The following GTF2A2 variants were observed in gnomAD, a reference collection of about 807,000 sequenced individuals.
GTF2A2 encodes general transcription factor IIA subunit 2, also known as transcription initiation factor IIA subunit 2.
GTF2A2 carries 9 observed loss-of-function variants against 14.3 expected under a neutral mutation model. The observed-to-expected ratio is 0.63, with a 90% CI of 0.38 to 1.10. GTF2A2 has a LOEUF of 1.10. GTF2A2 is among the 50% of genes least tolerant of loss of function. The pLI is 0.01. For synonymous variants in GTF2A2, 56 were observed against 46.0 expected, an observed-to-expected ratio of 1.22 and a Z score of -0.88; for missense variants, 90 against 124.6, an observed-to-expected ratio of 0.72 and a Z score of 1.32.
chr15:59,654,697 A>C (rs1891891627), intron 1 of GTF2A2, among the ~76,000 whole-genome samples: 1 of 152,238 alleles, frequency 6.6e-6, no homozygotes, highest in Non-Finnish European at 1.5e-5. Flanking sequence ...TTAGAAATGT[A>C]TCTGAGTATG....
intron 1 of GTF2A2, among the ~76,000 whole-genome samples, chr15:59,653,227 C>T (rs957600056): frequency 2.0e-5 from 3 of 151,950 alleles, no homozygotes; most frequent in African/African-American, 4.8e-5. Flanking sequence ...GATGGGGGCT[C>T]GAAAAGGGTG....
At chr15:59,646,716 T>C (rs1891620016) in intron 3 of GTF2A2, among the ~76,000 whole-genome samples, 2 of 152,186 alleles carry the variant, frequency 1.3e-5, no homozygotes, top group South Asian at 4.1e-4. Context: ...TATTAAAGTA[T>C]ATTAAATGCC....
At chr15:59,643,758 C>A (rs1437834873) in intron 3 of GTF2A2, among the ~76,000 whole-genome samples, 2 of 111,248 alleles carry the variant, frequency 1.8e-5, no homozygotes, top group Non-Finnish European at 3.5e-5. Flanking sequence ...GCCACCATGC[C>A]TGTCTAATTT....
In GTF2A2 at chr15:59,639,095, A is replaced by T; in HGVS notation, c.*37T>A. ...ATGCTTCTCTTCAAAAGCAATGAAT[A>T]ACAGAAGATGGTGTAAAAAAGTCAT... On this transcript the variant is annotated 3_prime_UTR_variant, in exon 5 of 5. Coordinates refer to ENST00000396060, the MANE Select transcript of GTF2A2 (RefSeq NM_004492.3). The T allele has an allele frequency of 8.3e-7, 1 of 1,203,058 alleles. No individual in the cohort carries two copies. The highest frequency in any genetic ancestry group is 1.2e-6 in the Non-Finnish European group (1 of 808,004). The allele number at this position is 1,203,058 out of a possible 1,614,324, so 74.5% of individuals were successfully genotyped here.
At chr15:59,643,869 A>G (rs1891516527) in intron 3 of GTF2A2, among the ~76,000 whole-genome samples, 1 of 150,948 alleles carries the variant, frequency 6.6e-6, no homozygotes, top group Non-Finnish European at 1.5e-5. Context: ...AAGTTTTGGA[A>G]TTACAGGCGT....
At chr15:59,641,625 T>A (rs1226909128) in intron 4 of GTF2A2, among the ~76,000 whole-genome samples, 1 of 152,170 alleles carries the variant, frequency 6.6e-6, no homozygotes, top group Non-Finnish European at 1.5e-5. Flanking sequence ...TTTGAAACAT[T>A]TAAGGACCTG....
intron 3 of GTF2A2, among the ~76,000 whole-genome samples, chr15:59,647,369 G>A (rs1419917546): frequency 6.6e-6 from 1 of 152,130 alleles, no homozygotes; most frequent in African/African-American, 2.4e-5. Context: ...AAGGTGCTGG[G>A]ATTACAGGCT....
chr15:59,639,817 C>T (rs1331584880), intron 4 of GTF2A2, among the ~76,000 whole-genome samples: 2 of 151,962 alleles, frequency 1.3e-5, no homozygotes, highest in African/African-American at 4.8e-5. Flanking sequence ...GTAGCGCAAT[C>T]TCAGCTCACT....
At chr15:59,644,975 T>G (rs557445259) in intron 3 of GTF2A2, among the ~76,000 whole-genome samples, 6 of 152,210 alleles carry the variant, frequency 3.9e-5, no homozygotes, top group Non-Finnish European at 8.8e-5. Flanking sequence ...ATGAAGCTGA[T>G]GTCTGTTAGC....
chr15:59,639,256 T>C (rs1386394402), intron 4 of GTF2A2, 99 bp from the exon 5 acceptor site: 1 of 764,562 alleles, frequency 1.3e-6, no homozygotes, highest in Non-Finnish European at 2.4e-6. Flanking sequence ...AACACAGGAC[T>C]AATAGTGGTG....
intron 1 of GTF2A2, among the ~76,000 whole-genome samples, chr15:59,655,385 G>A (rs562245850): frequency 6.6e-6 from 1 of 152,274 alleles, no homozygotes; most frequent in South Asian, 2.1e-4. Context: ...AAGGAAACAG[G>A]TTGGTGAAGG....
chr15:59,646,206 G>A (rs945212817), intron 3 of GTF2A2, among the ~76,000 whole-genome samples: 7 of 151,868 alleles, frequency 4.6e-5, no homozygotes, highest in Non-Finnish European at 8.8e-5. Context: ...ACAGGAATGC[G>A]CCACCACACC....
intron 3 of GTF2A2, among the ~76,000 whole-genome samples, chr15:59,645,590 GAC>G (rs2141960326): frequency 6.6e-6 from 1 of 152,240 alleles, no homozygotes; most frequent in South Asian, 2.1e-4. Flanking sequence ...AAGGGAAAAA[GAC>G]ACAAAATTGT....
At position 59,652,287 on chromosome 15, in the gene GTF2A2, G is replaced by A; in HGVS notation, c.-10C>T. 1 of 1,544,090 alleles carries A rather than the reference G, an allele frequency of 6.5e-7. No individual in the cohort carries two copies. The highest frequency in any genetic ancestry group is 8.9e-7 in the Non-Finnish European group (1 of 1,127,648). On this transcript the variant is annotated 5_prime_UTR_variant, in exon 2 of 5. Transcript: ENST00000396060. The stretch of plus-strand genomic sequence containing the variant: ...ATAACTGATATGCCATGGCTTAGGA[G>A]GAAGAATTTGTTTTTCTTATTCAAG...
At chr15:59,656,186 C>T (rs1453866142) in intron 1 of GTF2A2, among the ~76,000 whole-genome samples, 1 of 152,166 alleles carries the variant, frequency 6.6e-6, no homozygotes, top group African/African-American at 2.4e-5. Flanking sequence ...TCTTGCTCAT[C>T]CCTCTCCAGA....
intron 1 of GTF2A2, among the ~76,000 whole-genome samples, chr15:59,653,507 C>A (rs1239873699): frequency 1.3e-5 from 2 of 152,160 alleles, no homozygotes; most frequent in Non-Finnish European, 2.9e-5. Context: ...TCACTGGATA[C>A]CATTGTATTT....
chr15:59,645,327 C>G (rs953294298), intron 3 of GTF2A2, among the ~76,000 whole-genome samples: 13 of 152,108 alleles, frequency 8.5e-5, no homozygotes, highest in African/African-American at 3.1e-4. Flanking sequence ...AGACCAAGGA[C>G]AGCGGACGCA....
At chr15:59,652,167 T>C (rs758348866) in intron 2 of GTF2A2, 39 bp downstream of exon 2, 2 of 1,111,808 alleles carry the variant, frequency 1.8e-6, no homozygotes, top group South Asian at 2.6e-5. Context: ...TGTAAACCCA[T>C]CAAGATAAAA....
At chr15:59,639,891 C>G (rs1046519493) in intron 4 of GTF2A2, among the ~76,000 whole-genome samples, 1 of 152,096 alleles carries the variant, frequency 6.6e-6, no homozygotes, top group Non-Finnish European at 1.5e-5. Context: ...GCTGGGATTA[C>G]AGGCGGGTAC....
Sources: allele counts gnomAD v4.1 joint callset (sites outside exome capture counted in the v4.1 genomes callset), GRCh38; gene constraint gnomAD v4.1.1; transcripts MANE v1.5; gene names NCBI Gene and HGNC (gene_info 2026-07-23, HGNC 2026-07-21).